The following AGT variants were observed in gnomAD, a reference collection of about 807,000 sequenced individuals.
AGT encodes angiotensinogen.
In AGT, 26 loss-of-function variants were observed where a neutral mutation model predicts 28.1. The ratio of observed to expected loss-of-function variants is 0.92; its 90% CI spans 0.68 to 1.28. The LOEUF (loss-of-function observed/expected upper bound fraction) is 1.28, where lower values mean the gene tolerates loss of function less well. Among genes scored for constraint, AGT ranks in the 50% most tolerant of loss-of-function variants. The pLI is 0.00. For missense variants in AGT, 596 were observed against 592.3 expected (o/e 1.01, Z -0.06); for synonymous variants, 259 against 259.6 (o/e 1.00, Z 0.02).
Position 230,702,964 on chromosome 1 carries a change from A to G in AGT, c.*177T>C. On this transcript the variant is annotated 3_prime_UTR_variant, in exon 5 of 5. Coordinates refer to ENST00000366667, the MANE Select transcript of AGT (RefSeq NM_001384479.1). Reference sequence around the variant, plus strand: ...TTCTACTGCTCACTCCATGCAGCACACTTAGACCAAGGAGAAACGGCTGCT... The same window carrying G: ...TTCTACTGCTCACTCCATGCAGCACGCTTAGACCAAGGAGAAACGGCTGCT... 1 of 690,294 alleles carries G rather than the reference A, an allele frequency of 1.4e-6. No homozygotes were observed. Among genetic ancestry groups the G allele is most frequent in the South Asian group, 1.9e-5 (1 of 52,840 alleles). The allele number at this position is 690,294 out of a possible 1,614,324, so 42.8% of individuals were successfully genotyped here.
rs113176161 is a variant in AGT, at chr1:230,744,759, G to A, written c.-31+756C>T. On this transcript the variant is annotated intron_variant, in intron 1 of 4. Coordinates refer to the AGT transcript ENST00000681269. ...CCCAGCCTGGAGAGGTGTTTGTATC[G>A]GGAGGAGAATGAGAACGTAAATCCC... Among the ~76,000 whole-genome samples, 224 of 152,276 alleles carry A rather than the reference G, an allele frequency of 1.5e-3. 1 individual carries two copies. The highest frequency in any genetic ancestry group is 5.3e-3 in the African/African-American group (221 of 41,556).
intron 1 of AGT, among the ~76,000 whole-genome samples, chr1:230,732,141 A>G (rs2478517): frequency 0.37 from 55,653 of 151,772 alleles, 11,758 homozygotes; most frequent in East Asian, 0.67. Flanking sequence ...TATGTACAGA[A>G]AGCATTATTT....
intron 1 of AGT, among the ~76,000 whole-genome samples, chr1:230,727,030 A>T (rs1663957901): frequency 6.6e-6 from 1 of 152,188 alleles, no homozygotes; most frequent in South Asian, 2.1e-4. Context: ...TCTGGAGTCA[A>T]AGTTACCATC....
chr1:230,713,334 A>G (rs1240496756), intron 1 of AGT, among the ~76,000 whole-genome samples: 1 of 152,176 alleles, frequency 6.6e-6, no homozygotes, highest in Non-Finnish European at 1.5e-5. Flanking sequence ...TTGCAGAGGA[A>G]CAGAGAGGTC....
chr1:230,702,811 A>G lies in AGT; in HGVS notation c.*330T>C. On this transcript the variant is annotated 3_prime_UTR_variant, in exon 5 of 5. Coordinates refer to ENST00000366667, the MANE Select transcript of AGT (RefSeq NM_001384479.1). ...AAAGGGAACACTTTTTTGTTTCACA[A>G]ACAAGCTGGTCGGTTGGAATTCTTT... 1 of 315,124 alleles carries G rather than the reference A, an allele frequency of 3.2e-6. No homozygotes were observed. Among genetic ancestry groups the G allele is most frequent in the Admixed American group, 4.5e-5 (1 of 22,052 alleles). The allele number at this position is 315,124 out of a possible 1,614,324, so 19.5% of individuals were successfully genotyped here.
intron 1 of AGT, among the ~76,000 whole-genome samples, chr1:230,737,460 C>T (rs1421489051): frequency 6.6e-6 from 1 of 151,936 alleles, no homozygotes; most frequent in Non-Finnish European, 1.5e-5. Context: ...TACAGGTGCC[C>T]ACCACCACAC....
chr1:230,733,297 CAAAA>C (rs61609594), intron 1 of AGT, among the ~76,000 whole-genome samples: 13,911 of 152,042 alleles, frequency 0.091, 928 homozygotes, highest in East Asian at 0.35. Flanking sequence ...AACAAACAAA[CAAAA>C]AAGTCAGTTC....
intron 1 of AGT, among the ~76,000 whole-genome samples, chr1:230,733,497 G>A (rs1176140331): frequency 1.3e-5 from 2 of 152,124 alleles, no homozygotes; most frequent in Non-Finnish European, 2.9e-5. Context: ...AGTTGAGGTC[G>A]ATTTTCACTC....
rs771906960 is a variant in AGT, at chr1:230,704,182, C to T, written c.1242+11G>A. 9.9e-6 allele frequency: 16 copies of T among 1,614,148 alleles called. No individual in the cohort carries two copies. The highest frequency in any genetic ancestry group is 5.0e-5 in the Admixed American group (3 of 60,008). ...AACCCAGGTCAGGCACAGACACAGG[C>T]TCACACATACCTCCCCCACCCTGAT... On this transcript the variant is annotated intron_variant, in intron 4 of 4. Coordinates refer to ENST00000366667, the MANE Select transcript of AGT (RefSeq NM_001384479.1).
chr1:230,723,462 C>T (rs1013926292), intron 1 of AGT, among the ~76,000 whole-genome samples: 1 of 152,134 alleles, frequency 6.6e-6, no homozygotes, highest in African/African-American at 2.4e-5. Flanking sequence ...AATTTTGGCT[C>T]CCTCTTTGTA....
intron 1 of AGT, among the ~76,000 whole-genome samples, chr1:230,742,988 G>A (rs563608515): frequency 9.2e-5 from 14 of 152,198 alleles, no homozygotes; most frequent in Admixed American, 5.2e-4. Context: ...GCAAGTAGGG[G>A]GGTGTTTTAC....
chr1:230,734,061 C>T (rs997057541), intron 1 of AGT, among the ~76,000 whole-genome samples: 6 of 152,132 alleles, frequency 3.9e-5, no homozygotes, highest in Admixed American at 6.5e-5. Flanking sequence ...GACCCTTTAA[C>T]AAGTGCGGGT....
At chr1:230,714,286 C>T (rs1270797343), upstream of AGT, 1 of 152,414 alleles carries the variant, frequency 6.6e-6, no homozygotes, top group Non-Finnish European at 1.5e-5. Context: ...GGGACCTCTT[C>T]CAGGAAGTCT....
At chr1:230,739,728 G>A (rs182016685) in intron 1 of AGT, among the ~76,000 whole-genome samples, 2 of 152,290 alleles carry the variant, frequency 1.3e-5, no homozygotes, top group Admixed American at 6.5e-5. Context: ...AGATCCCAGA[G>A]AGCCAGAGGT....
At chr1:230,726,703 C>T (rs532651994) in intron 1 of AGT, among the ~76,000 whole-genome samples, 2 of 152,306 alleles carry the variant, frequency 1.3e-5, no homozygotes, top group Admixed American at 6.5e-5. Context: ...TTCCAAGCAT[C>T]TCTCCTCCAA....
At chr1:230,707,447 C>T (rs1663419559) in intron 2 of AGT, among the ~76,000 whole-genome samples, 1 of 152,188 alleles carries the variant, frequency 6.6e-6, no homozygotes, top group South Asian at 2.1e-4. Flanking sequence ...TTGGAGGTCC[C>T]AGCATGAAAG....
chr1:230,705,314 G>T (rs989783898), intron 3 of AGT, among the ~76,000 whole-genome samples: 6 of 152,206 alleles, frequency 3.9e-5, no homozygotes, highest in African/African-American at 1.4e-4. Context: ...TTGATGTCAA[G>T]CCATCGTGTC....
At chr1:230,713,318 G>T (rs1406513748) in intron 1 of AGT, among the ~76,000 whole-genome samples, 2 of 152,154 alleles carry the variant, frequency 1.3e-5, no homozygotes, top group Non-Finnish European at 2.9e-5. Flanking sequence ...ATTGGTTCAT[G>T]CTGTTTTGCA....
chr1:230,708,061 C>T (rs561568006), intron 2 of AGT, among the ~76,000 whole-genome samples: 2 of 152,186 alleles, frequency 1.3e-5, no homozygotes, highest in Admixed American at 6.5e-5. Context: ...CCCGAGACAG[C>T]CCCCGATCTC....
Sources: gnomAD v4.1 joint callset for allele counts (sites outside exome capture counted in the v4.1 genomes callset) on GRCh38, gnomAD v4.1.1 for gene constraint, MANE v1.5 for transcripts, NCBI Gene and HGNC (gene_info 2026-07-23, HGNC 2026-07-21) for gene names.